The following CCM2 variants were observed in gnomAD, a reference collection of about 807,000 sequenced individuals.
The protein encoded by CCM2 is CCM2 scaffold protein.
A neutral mutation model predicts 44.9 loss-of-function variants in CCM2; 25 were observed. The observed-to-expected ratio is 0.56, with a 90% CI of 0.41 to 0.78. The LOEUF is 0.78. Ranked by LOEUF, CCM2 falls within the 30% of genes least tolerant of loss-of-function variation. The probability of loss-of-function intolerance (pLI) is 0.00; values close to 1 mark genes in which losing one functional copy is unlikely to be tolerated. For synonymous variants in CCM2, 219 were observed against 241.1 expected, an observed-to-expected ratio of 0.91 and a Z score of 0.85; for missense variants, 481 against 580.6, an observed-to-expected ratio of 0.83 and a Z score of 1.76.
chr7:45,005,491 C>T (rs982471811), intron 1 of CCM2, among the ~76,000 whole-genome samples: 26 of 152,212 alleles, frequency 1.7e-4, no homozygotes, highest in African/African-American at 6.0e-4. Flanking sequence ...CCCACTGGGG[C>T]GCTTACTCTT....
intron 5 of CCM2, 138 bp from the exon 6 acceptor site, chr7:45,069,687 AG>A: frequency 8.9e-7 from 1 of 1,127,160 alleles, no homozygotes; most frequent in Non-Finnish European, 1.3e-6. Context: ...GGTCAGTGAA[AG>A]GCAGAGGGAC....
chr7:45,039,875 A>T (rs972565383), intron 2 of CCM2, among the ~76,000 whole-genome samples: 1 of 151,922 alleles, frequency 6.6e-6, no homozygotes, highest in African/African-American at 2.4e-5. Flanking sequence ...AAAAATACAA[A>T]AATTAGCCGG....
chr7:45,053,052 A>G, intron 2 of CCM2, among the ~76,000 whole-genome samples: 1 of 152,222 alleles, frequency 6.6e-6, no homozygotes, highest in Middle Eastern at 3.2e-3. Flanking sequence ...CAGTGGATGT[A>G]CTTTCAGGTG....
At chr7:45,003,610 T>A (rs1435239745) in intron 1 of CCM2, among the ~76,000 whole-genome samples, 1 of 151,772 alleles carries the variant, frequency 6.6e-6, no homozygotes, top group Non-Finnish European at 1.5e-5. Flanking sequence ...CATGTGCCTA[T>A]AATCCCAGTT....
At chr7:45,039,047 G>A (rs910018202) in intron 2 of CCM2, among the ~76,000 whole-genome samples, 1 of 152,212 alleles carries the variant, frequency 6.6e-6, no homozygotes, top group African/African-American at 2.4e-5. Context: ...AGATGAGTTA[G>A]AGCTAATGCA....
chr7:45,064,556 G>A lies in CCM2; in HGVS notation c.382G>A (p.Glu128Lys). Residue 128 changes from glutamate to lysine, a missense_variant, in exon 4 of 10, where the codon GAG becomes AAG. Transcript: ENST00000258781. ...CGTCAAGCTGGCCTGGAGGGACGGG[G>A]AGGATATCATCCTCAGGGTGCCCAT... is the stretch of plus-strand genomic sequence containing the variant. Reference protein sequence around the residue: ...YNVKLAWRDGEDIILRVPIHD... With the variant: ...YNVKLAWRDGKDIILRVPIHD... 1 of 1,614,050 alleles carries A rather than the reference G, an allele frequency of 6.2e-7. No individual in the cohort carries two copies. Among genetic ancestry groups the A allele is most frequent in the African/African-American group, 1.3e-5 (1 of 75,040 alleles).
At position 45,012,221 on chromosome 7, in the gene CCM2, C is replaced by T. The variant is rs530171230; in HGVS notation, c.30+11858C>T. 5.3e-5 allele frequency among the ~76,000 whole-genome samples: 8 copies of T among 151,400 alleles called. No individual in the cohort carries two copies. In the South Asian group the frequency reaches 1.0e-3, roughly 20 times the overall value. On this transcript the variant is annotated intron_variant, in intron 1 of 9. Transcript: ENST00000258781. Reference sequence around the variant, plus strand: ...CGATCTTGGCTAACTGCAACCTCCACCTCCTGGGTTCAAGTGATTCTCCTG... The same window carrying T: ...CGATCTTGGCTAACTGCAACCTCCATCTCCTGGGTTCAAGTGATTCTCCTG...
chr7:45,042,968 CTTTTTTTT>C (rs35874377), intron 2 of CCM2, among the ~76,000 whole-genome samples: 8 of 134,630 alleles, frequency 5.9e-5, no homozygotes, highest in Non-Finnish European at 1.2e-4. Context: ...TCTTCTTCTT[CTTTTTTTT>C]TTTTTTTTTT....
intron 4 of CCM2, chr7:45,068,216 T>C (rs924383677): frequency 3.3e-6 from 2 of 608,980 alleles, no homozygotes; most frequent in Non-Finnish European, 5.9e-6. Flanking sequence ...AACTGCAGGA[T>C]GACATGCAGC....
intron 3 of CCM2, 43 bp downstream of exon 3, chr7:45,064,044 C>A (rs1798649133): frequency 7.2e-7 from 1 of 1,389,276 alleles, no homozygotes; most frequent in East Asian, 2.3e-5. Flanking sequence ...CCTCAGCCCC[C>A]ACCAGCCCTT....
intron 7 of CCM2, 71 bp from the exon 8 acceptor site, chr7:45,073,389 A>G: frequency 1.0e-6 from 1 of 958,540 alleles, no homozygotes; most frequent in Non-Finnish European, 1.7e-6. Context: ...GGCATGGACT[A>G]GGTTTCCTGA....
intron 2 of CCM2, among the ~76,000 whole-genome samples, chr7:45,054,512 C>T (rs1399365873): frequency 6.6e-6 from 1 of 151,884 alleles, no homozygotes; most frequent in East Asian, 1.9e-4. Context: ...TATATCTTGT[C>T]AGAAGTTGTT....
At chr7:45,040,366 G>A (rs1456134367) in intron 2 of CCM2, among the ~76,000 whole-genome samples, 5 of 151,414 alleles carry the variant, frequency 3.3e-5, no homozygotes, top group South Asian at 2.1e-4. Context: ...GCAATAGAGC[G>A]AGACTCCGTC....
At chr7:45,023,984 ATT>A (rs1554360632) in intron 1 of CCM2, among the ~76,000 whole-genome samples, 1 of 151,264 alleles carries the variant, frequency 6.6e-6, no homozygotes, top group Non-Finnish European at 1.5e-5. Flanking sequence ...CTAATTTTGT[ATT>A]TTTAGTAGAG....
At chr7:45,042,983 T>G (rs1290304781) in intron 2 of CCM2, among the ~76,000 whole-genome samples, 1 of 149,188 alleles carries the variant, frequency 6.7e-6, no homozygotes. Flanking sequence ...TTTTTTTTTT[T>G]TTTCCTTGAG....
At chr7:45,073,145 G>A (rs181841123) in intron 7 of CCM2, 8 of 572,566 alleles carry the variant, frequency 1.4e-5, no homozygotes, top group African/African-American at 1.3e-4. Context: ...ACCCACTCGC[G>A]CTCTCCATTC....
intron 1 of CCM2, chr7:45,029,472 C>G (rs1429913509): frequency 1.3e-5 from 2 of 152,194 alleles, no homozygotes; most frequent in African/African-American, 4.8e-5. Flanking sequence ...CAGAGTAATA[C>G]TGAGCTCAAT....
rs765980239 is a variant in CCM2, at chr7:45,076,136, G to A, written c.*79G>A. ...CCCAGAAGGAGCTGCCCAGACCTGC[G>A]TGTCAGCCCTTGGTGGTGGCCAGGG... On this transcript the variant is annotated 3_prime_UTR_variant, in exon 10 of 10. Coordinates refer to ENST00000258781, the MANE Select transcript of CCM2 (RefSeq NM_031443.4). 11 of 1,589,680 alleles carry A rather than the reference G, an allele frequency of 6.9e-6. No individual in the cohort carries two copies. Among genetic ancestry groups the A allele is most frequent in the African/African-American group, 4.0e-5 (3 of 74,576 alleles).
Position 45,073,548 on chromosome 7 carries a change from C to A in CCM2, c.892C>A (p.Leu298Met), listed in dbSNP as rs569076256. ...ESELSASATE[L>M]LQDYMLTLRT... is the part of the protein sequence containing the mutation. ...CGAGCTGAGCGCCAGCGCCACTGAG[C>A]TGCTGCAGGACTACATGCTGACGGT... The change falls in exon 8 of 10, where the codon CTG becomes ATG. Residue 298 changes from leucine (L) to methionine (M), a missense_variant. Coordinates refer to ENST00000258781, the MANE Select transcript of CCM2 (RefSeq NM_031443.4). 21 of 1,611,822 alleles carry A rather than the reference C, an allele frequency of 1.3e-5. No individual in the cohort carries two copies. In the East Asian group the frequency reaches 4.5e-4, roughly 34 times the overall value.
Sources: gnomAD v4.1 joint callset for allele counts (sites outside exome capture counted in the v4.1 genomes callset) on GRCh38, gnomAD v4.1.1 for gene constraint, MANE v1.5 for transcripts, NCBI Gene and HGNC (gene_info 2026-07-23, HGNC 2026-07-21) for gene names.